Variants in PIP5K1B observed in about 807,000 individuals in gnomAD.
PIP5K1B encodes the protein phosphatidylinositol-4-phosphate 5-kinase type 1 beta.
PIP5K1B carries 42 observed loss-of-function variants against 67.0 expected under a neutral mutation model. The ratio of observed to expected loss-of-function variants is 0.63; its 90% CI spans 0.49 to 0.81. The LOEUF is 0.81. PIP5K1B is among the 30% of genes least tolerant of loss of function. The pLI is 0.00. For missense variants in PIP5K1B, 459 were observed against 646.3 expected (o/e 0.71, Z 3.14); for synonymous variants, 214 against 231.4 (o/e 0.92, Z 0.68).
intron 14 of PIP5K1B, among the ~76,000 whole-genome samples, chr9:68,988,444 GTTTTTTTTTT>G (rs61373302): frequency 9.1e-6 from 1 of 109,990 alleles, no homozygotes; most frequent in Non-Finnish European, 1.8e-5. Flanking sequence ...TTTTTTTGGG[GTTTTTTTTTT>G]TTTTTTTTTT....
At chr9:68,811,508 A>T (rs1159874222) in intron 2 of PIP5K1B, among the ~76,000 whole-genome samples, 1 of 152,166 alleles carries the variant, frequency 6.6e-6, no homozygotes, top group Non-Finnish European at 1.5e-5. Flanking sequence ...GGCATCTCCA[A>T]TAGTGACTGT....
intron 2 of PIP5K1B, among the ~76,000 whole-genome samples, chr9:68,770,836 G>A (rs556876614): frequency 3.3e-5 from 5 of 152,302 alleles, no homozygotes; most frequent in East Asian, 1.9e-4. Context: ...GCTGTAGTGG[G>A]TTTGGGGTAG....
chr9:68,924,085 A>T (rs1305338777), intron 12 of PIP5K1B, among the ~76,000 whole-genome samples: 1 of 150,156 alleles, frequency 6.7e-6, no homozygotes, highest in Non-Finnish European at 1.5e-5. Flanking sequence ...TCTGAGGAAA[A>T]TTTATAGCTA....
At chr9:68,744,274 G>A (rs932955465) in intron 2 of PIP5K1B, among the ~76,000 whole-genome samples, 1 of 152,116 alleles carries the variant, frequency 6.6e-6, no homozygotes, top group Non-Finnish European at 1.5e-5. Context: ...ACACAATGGG[G>A]TTCTATGTAT....
chr9:68,792,853 A>G (rs186540657), intron 2 of PIP5K1B, among the ~76,000 whole-genome samples: 1 of 152,296 alleles, frequency 6.6e-6, no homozygotes, highest in Admixed American at 6.5e-5. Flanking sequence ...TGAGCCCTTT[A>G]TAGTTTGCTG....
At chr9:68,845,971 A>G (rs1822171558) in intron 4 of PIP5K1B, among the ~76,000 whole-genome samples, 4 of 152,196 alleles carry the variant, frequency 2.6e-5, no homozygotes, top group African/African-American at 7.2e-5. Context: ...AACATGATCT[A>G]GGATTTATCT....
intron 4 of PIP5K1B, among the ~76,000 whole-genome samples, chr9:68,842,681 T>G (rs1821976610): frequency 6.6e-6 from 1 of 152,170 alleles, no homozygotes. Context: ...GTATTTTTGG[T>G]TTTTATGTCT....
chr9:68,996,542 T>C (rs889822057), intron 15 of PIP5K1B, among the ~76,000 whole-genome samples: 1 of 152,244 alleles, frequency 6.6e-6, no homozygotes, highest in African/African-American at 2.4e-5. Context: ...GAGCAGGCTG[T>C]ATTGATTTAA....
intron 2 of PIP5K1B, among the ~76,000 whole-genome samples, chr9:68,745,812 G>T (rs1216639954): frequency 6.6e-6 from 1 of 152,028 alleles, no homozygotes; most frequent in Non-Finnish European, 1.5e-5. Flanking sequence ...TCTGTTTTCT[G>T]TTACCGCAAT....
At chr9:68,973,007 C>A (rs1312232923) in intron 14 of PIP5K1B, among the ~76,000 whole-genome samples, 2 of 152,162 alleles carry the variant, frequency 1.3e-5, no homozygotes, top group East Asian at 3.9e-4. Flanking sequence ...TTTACATCAA[C>A]CCTGTTGTAA....
chr9:68,922,462 A>AAAAAAAAGAAAAAAAG (rs924725009), intron 11 of PIP5K1B, among the ~76,000 whole-genome samples: 1 of 152,036 alleles, frequency 6.6e-6, no homozygotes, highest in Non-Finnish European at 1.5e-5. Flanking sequence ...CTCTGTCTCA[A>AAAAAAAAGAAAAAAAG]AAAAAAAGAA....
At chr9:68,781,826 C>G (rs1831302557) in intron 2 of PIP5K1B, 1 of 166,676 alleles carries the variant, frequency 6.0e-6, no homozygotes, top group African/African-American at 2.4e-5. Flanking sequence ...AGTCTTTGCC[C>G]ACTATACATA....
chr9:68,958,779 G>T (rs1269212116), intron 14 of PIP5K1B, among the ~76,000 whole-genome samples: 1 of 152,128 alleles, frequency 6.6e-6, no homozygotes, highest in Admixed American at 6.6e-5. Flanking sequence ...AATTTTAAAA[G>T]GTTAATTTTT....
intron 2 of PIP5K1B, among the ~76,000 whole-genome samples, chr9:68,767,154 C>T (rs1232664019): frequency 2.0e-5 from 3 of 152,182 alleles, no homozygotes; most frequent in Non-Finnish European, 4.4e-5. Flanking sequence ...GAGCAAAAGA[C>T]AGACTTTCAA....
At chr9:68,793,131 G>GTGTATGTGTATACACATATAGTGTATGT (rs1331492377) in intron 2 of PIP5K1B, among the ~76,000 whole-genome samples, 1 of 152,154 alleles carries the variant, frequency 6.6e-6, no homozygotes, top group Non-Finnish European at 1.5e-5. Flanking sequence ...TATAGTGTAA[G>GTGTATGTGTATACACATATAGTGTATGT]GAACAGGAGC....
At chr9:68,743,887 G>C (rs967416625) in intron 2 of PIP5K1B, among the ~76,000 whole-genome samples, 1 of 152,150 alleles carries the variant, frequency 6.6e-6, no homozygotes, top group African/African-American at 2.4e-5. Flanking sequence ...TTCTCAACTG[G>C]GTGCCAGATG....
At chr9:68,874,840 C>A (rs1587598182) in intron 5 of PIP5K1B, among the ~76,000 whole-genome samples, 1 of 152,132 alleles carries the variant, frequency 6.6e-6, no homozygotes, top group East Asian at 1.9e-4. Context: ...GAACCTAAGG[C>A]CTTGTGGTTA....
At chr9:68,780,083 G>GTAT in intron 2 of PIP5K1B, 17 of 1,424,060 alleles carry the variant, frequency 1.2e-5, no homozygotes, top group Admixed American at 5.9e-5. Flanking sequence ...GGTGGCGGCG[G>GTAT]CAGCGGCGGC....
intron 8 of PIP5K1B, among the ~76,000 whole-genome samples, chr9:68,898,174 A>G (rs548708994): frequency 6.6e-6 from 1 of 152,224 alleles, no homozygotes; most frequent in East Asian, 1.9e-4. Context: ...ACTTGGAACT[A>G]TTCTAGAAAA....
Sources: gnomAD v4.1 joint callset for allele counts (sites outside exome capture counted in the v4.1 genomes callset) on GRCh38, gnomAD v4.1.1 for gene constraint, MANE v1.5 for transcripts, NCBI Gene and HGNC (gene_info 2026-07-23, HGNC 2026-07-21) for gene names.